Variants in DIPK1A observed in about 807,000 individuals in gnomAD.
DIPK1A encodes the protein divergent protein kinase domain 1A.
Under a neutral mutation model 40.8 loss-of-function variants are expected in DIPK1A, and 27 were observed. The observed-to-expected ratio is 0.66, with a 90% CI of 0.49 to 0.91. DIPK1A has a LOEUF of 0.91. Among genes scored for constraint, DIPK1A ranks in the 40% least tolerant of loss-of-function variants. The pLI is 0.00. For synonymous variants in DIPK1A, 166 were observed against 171.3 expected, an observed-to-expected ratio of 0.97 and a Z score of 0.24; for missense variants, 412 against 505.7, an observed-to-expected ratio of 0.81 and a Z score of 1.78.
chr1:92,871,862 G>T (rs1163788076), intron 2 of DIPK1A, among the ~76,000 whole-genome samples: 1 of 151,940 alleles, frequency 6.6e-6, no homozygotes, highest in Admixed American at 6.6e-5. Context: ...CCATTCATCT[G>T]TGGATGGACA....
chr1:92,874,357 C>T (rs1459409075), intron 2 of DIPK1A, among the ~76,000 whole-genome samples: 3 of 152,126 alleles, frequency 2.0e-5, no homozygotes, highest in Non-Finnish European at 2.9e-5. Flanking sequence ...AACAGGTCTT[C>T]CTGGGAGGGC....
chr1:92,954,907 T>C (rs1401317363), intron 1 of DIPK1A, among the ~76,000 whole-genome samples: 1 of 152,174 alleles, frequency 6.6e-6, no homozygotes, highest in African/African-American at 2.4e-5. Flanking sequence ...AGCAGCCTTA[T>C]TCATAATTGC....
At position 92,860,222 on chromosome 1, in the gene DIPK1A, T is replaced by A. The variant is rs950859080; in HGVS notation, c.190-9267A>T. ...GTTTTACAGTTAGAGGTTCTCAAAC[T>A]TTAGAGAGCTTCAGATTGCACGGAG... On this transcript the variant is annotated intron_variant, in intron 2 of 4. Transcript: ENST00000370310. 3.9e-5 allele frequency among the ~76,000 whole-genome samples: 6 copies of A among 152,202 alleles called. No individual in the cohort carries two copies. The East Asian group carries it at 1.2e-3, about 29-fold the overall frequency.
intron 1 of DIPK1A, among the ~76,000 whole-genome samples, chr1:92,910,126 A>C (rs2100834921): frequency 6.6e-6 from 1 of 152,324 alleles, no homozygotes; most frequent in South Asian, 2.1e-4. Flanking sequence ...TTCTTTCTTC[A>C]ACACGTGGGT....
intron 1 of DIPK1A, among the ~76,000 whole-genome samples, chr1:92,934,610 C>A (rs939693317): frequency 6.6e-6 from 1 of 152,126 alleles, no homozygotes; most frequent in African/African-American, 2.4e-5. Context: ...AGGTTTCTCA[C>A]CTTCCTCTTT....
chr1:92,870,947 C>A (rs559498675), intron 2 of DIPK1A, among the ~76,000 whole-genome samples: 1 of 152,284 alleles, frequency 6.6e-6, no homozygotes, highest in East Asian at 1.9e-4. Context: ...TCAACTTTTC[C>A]CTCTGACTTA....
intron 1 of DIPK1A, among the ~76,000 whole-genome samples, chr1:92,907,113 A>T (rs954455050): frequency 6.6e-6 from 1 of 152,338 alleles, no homozygotes; most frequent in South Asian, 2.1e-4. Context: ...ATAATATAAT[A>T]AGGAGATGGG....
chr1:92,866,090 G>A (rs904445228), intron 2 of DIPK1A, among the ~76,000 whole-genome samples: 1 of 151,884 alleles, frequency 6.6e-6, no homozygotes, highest in Non-Finnish European at 1.5e-5. Context: ...ACCTCCAAAA[G>A]TCTGGGGTTT....
chr1:92,840,610 G>A, downstream of DIPK1A: 3 of 1,611,404 alleles, frequency 1.9e-6, no homozygotes, highest in South Asian at 1.1e-5. Flanking sequence ...TCTATGAAAA[G>A]AAGCCCAAGA....
chr1:92,893,033 A>T (rs1384505794), intron 1 of DIPK1A, among the ~76,000 whole-genome samples: 3 of 152,166 alleles, frequency 2.0e-5, no homozygotes, highest in African/African-American at 7.2e-5. Flanking sequence ...TGATTGGTGT[A>T]ACTGAAAGTG....
At chr1:92,871,177 T>A (rs966794839) in intron 2 of DIPK1A, among the ~76,000 whole-genome samples, 2 of 152,196 alleles carry the variant, frequency 1.3e-5, no homozygotes, top group Non-Finnish European at 2.9e-5. Flanking sequence ...TTATTTATTT[T>A]TTTCTGAGAC....
chr1:92,959,903 CT>C (rs1157142089), intron 1 of DIPK1A, among the ~76,000 whole-genome samples: 2 of 47,874 alleles, frequency 4.2e-5, no homozygotes, highest in African/African-American at 2.2e-4. Flanking sequence ...ACCCAACCAA[CT>C]TTTTTTTTTT....
chr1:92,844,284 G>T, intron 4 of DIPK1A, 89 bp from the exon 5 acceptor site: 2 of 787,386 alleles, frequency 2.5e-6, no homozygotes, highest in Non-Finnish European at 4.1e-6. Flanking sequence ...TATTAACCAT[G>T]CCAGAAATAA....
At chr1:92,881,673 T>C (rs1428431799) in intron 1 of DIPK1A, among the ~76,000 whole-genome samples, 1 of 152,072 alleles carries the variant, frequency 6.6e-6, no homozygotes, top group African/African-American at 2.4e-5. Flanking sequence ...GTAAAAGCAA[T>C]AGCTCGTGAT....
chr1:92,925,486 GTTTT>G (rs948284466), intron 1 of DIPK1A, among the ~76,000 whole-genome samples: 168 of 151,836 alleles, frequency 1.1e-3, no homozygotes, highest in African/African-American at 1.3e-3. Flanking sequence ...GTTTTTTGGG[GTTTT>G]TTTGTTTTTT....
chr1:92,852,667 G>C (rs576282958), intron 2 of DIPK1A, among the ~76,000 whole-genome samples: 1 of 152,210 alleles, frequency 6.6e-6, no homozygotes, highest in Non-Finnish European at 1.5e-5. Flanking sequence ...ACTCAGACAG[G>C]AAGGAAAATA....
chr1:92,843,677 A>T lies in DIPK1A; in HGVS notation c.993T>A (p.Cys331Ter). Residue 331 changes from cysteine (C) to a stop codon, truncating the protein, a stop_gained, in exon 5 of 5, where the codon TGT (cysteine) becomes TGA (stop). Transcript: ENST00000370310. LOFTEE classifies it high-confidence loss of function. ...NLKELIKDRH[C>*]ESDLDCVYGT... Reference sequence around the variant, plus strand: ...CATAGACACAGTCCAAATCAGACTCACAGTGACGATCCTTAATAAGTTCTT... The same window carrying T: ...CATAGACACAGTCCAAATCAGACTCTCAGTGACGATCCTTAATAAGTTCTT... 2 of 1,551,702 alleles carry T rather than the reference A, an allele frequency of 1.3e-6. No individual in the cohort carries two copies. The highest frequency in any genetic ancestry group is 2.4e-5 in the East Asian group (1 of 40,918).
intron 1 of DIPK1A, among the ~76,000 whole-genome samples, chr1:92,911,187 G>A (rs1267366214): frequency 1.3e-5 from 2 of 152,150 alleles, no homozygotes; most frequent in Non-Finnish European, 2.9e-5. Flanking sequence ...CATTGTAATT[G>A]TATGAGGAAG....
intron 4 of DIPK1A, among the ~76,000 whole-genome samples, chr1:92,846,815 A>ATATGTGTGTGTG (rs1553123763): frequency 2.2e-4 from 1 of 4,588 alleles, no homozygotes; most frequent in African/African-American, 1.6e-3. Flanking sequence ...ATATATATAT[A>ATATGTGTGTGTG]TATATATATA....
Sources: allele counts gnomAD v4.1 joint callset (sites outside exome capture counted in the v4.1 genomes callset), GRCh38; gene constraint gnomAD v4.1.1; transcripts MANE v1.5; gene names NCBI Gene and HGNC (gene_info 2026-07-23, HGNC 2026-07-21).